The following LRFN5 variants were observed in gnomAD, a reference collection of about 807,000 sequenced individuals.
The protein encoded by LRFN5 is leucine-rich repeat and fibronectin type-III domain-containing protein 5.
Under a neutral mutation model 45.6 loss-of-function variants are expected in LRFN5, and 24 were observed. The ratio of observed to expected loss-of-function variants is 0.53; its 90% CI spans 0.38 to 0.74. The LOEUF (loss-of-function observed/expected upper bound fraction) is 0.74. Among genes scored for constraint, LRFN5 ranks in the 30% least tolerant of loss-of-function variants. LRFN5 has a pLI of 0.00. For synonymous variants in LRFN5, 340 were observed against 313.8 expected, an observed-to-expected ratio of 1.08 and a Z score of -0.88; for missense variants, 776 against 861.5, an observed-to-expected ratio of 0.90 and a Z score of 1.24.
At chr14:41,883,818 GA>G (rs1434028468) in intron 2 of LRFN5, among the ~76,000 whole-genome samples, 2 of 151,994 alleles carry the variant, frequency 1.3e-5, no homozygotes, top group Non-Finnish European at 2.9e-5. Flanking sequence ...TGGATTTATA[GA>G]TTTTTTTTAA....
At chr14:41,663,556 G>C (rs1880755968) in intron 1 of LRFN5, among the ~76,000 whole-genome samples, 1 of 151,910 alleles carries the variant, frequency 6.6e-6, no homozygotes, top group Non-Finnish European at 1.5e-5. Flanking sequence ...AAAAAAATAA[G>C]AATAAGGGAG....
chr14:41,755,228 G>A (rs146197473), intron 1 of LRFN5, among the ~76,000 whole-genome samples: 1,611 of 152,252 alleles, frequency 0.011, 10 homozygotes, highest in Admixed American at 0.016. Context: ...GTGCTGAGAA[G>A]AATGTATATT....
At chr14:41,670,190 A>G (rs1356026689) in intron 1 of LRFN5, among the ~76,000 whole-genome samples, 1 of 125,066 alleles carries the variant, frequency 8.0e-6, no homozygotes, top group East Asian at 2.8e-4. Flanking sequence ...TTCTCTATAT[A>G]TATATACATT....
At chr14:41,753,127 T>G (rs192384799) in intron 1 of LRFN5, among the ~76,000 whole-genome samples, 3,485 of 151,958 alleles carry the variant, frequency 0.023, 40 homozygotes, top group Middle Eastern at 0.037. Context: ...TGGTCTATAT[T>G]TCTGTTTTGG....
chr14:41,625,084 A>T (rs1888280022), intron 1 of LRFN5, among the ~76,000 whole-genome samples: 1 of 152,088 alleles, frequency 6.6e-6, no homozygotes, highest in African/African-American at 2.4e-5. Context: ...TATCTTCATC[A>T]TGATTAATGG....
intron 2 of LRFN5, among the ~76,000 whole-genome samples, chr14:41,857,507 G>C (rs1158090355): frequency 6.6e-6 from 1 of 152,130 alleles, no homozygotes; most frequent in Admixed American, 6.5e-5. Flanking sequence ...AAGTAAGCAA[G>C]GTTATTTACA....
At chr14:41,864,778 C>T (rs985390105) in intron 2 of LRFN5, among the ~76,000 whole-genome samples, 1 of 151,868 alleles carries the variant, frequency 6.6e-6, no homozygotes, top group Non-Finnish European at 1.5e-5. Flanking sequence ...TTTCTCTGAC[C>T]TATTATACTT....
At chr14:41,818,431 C>T (rs1424087945) in intron 2 of LRFN5, among the ~76,000 whole-genome samples, 6 of 151,904 alleles carry the variant, frequency 3.9e-5, no homozygotes, top group African/African-American at 1.4e-4. Flanking sequence ...ATTAACCAAA[C>T]TTTATTTATG....
intron 1 of LRFN5, among the ~76,000 whole-genome samples, chr14:41,738,730 C>T (rs901399553): frequency 6.6e-6 from 1 of 152,108 alleles, no homozygotes; most frequent in African/African-American, 2.4e-5. Context: ...ATTATGGAAT[C>T]TCTGATAGCT....
chr14:41,901,433 TGTGTG>T (rs1233644159), intron 5 of LRFN5, among the ~76,000 whole-genome samples: 1 of 456 alleles, frequency 2.2e-3, no homozygotes, highest in Non-Finnish European at 8.6e-3. Context: ...ATGTATGCAT[TGTGTG>T]TGTGTGTGTG....
chr14:41,891,987 A>C, intron 4 of LRFN5, 25 bp downstream of exon 4: 1 of 1,602,758 alleles, frequency 6.2e-7, no homozygotes, highest in Non-Finnish European at 8.5e-7. Context: ...TTGCCTGCTG[A>C]GAGATCCGGA....
chr14:41,802,430 A>G (rs764878038), intron 2 of LRFN5, among the ~76,000 whole-genome samples: 1 of 152,188 alleles, frequency 6.6e-6, no homozygotes, highest in African/African-American at 2.4e-5. Context: ...AAGGAATTCC[A>G]TCAGGTATGA....
intron 1 of LRFN5, among the ~76,000 whole-genome samples, chr14:41,751,029 G>A (rs1180870105): frequency 6.6e-6 from 1 of 151,886 alleles, no homozygotes; most frequent in Non-Finnish European, 1.5e-5. Flanking sequence ...GTGTCCATGT[G>A]TTCTCATTGT....
chr14:41,842,643 A>G (rs1408208792), intron 2 of LRFN5, among the ~76,000 whole-genome samples: 2 of 152,164 alleles, frequency 1.3e-5, no homozygotes, highest in Non-Finnish European at 2.9e-5. Flanking sequence ...TTCCCACACA[A>G]CACAAAACTT....
intron 5 of LRFN5, among the ~76,000 whole-genome samples, chr14:41,903,317 TTTCATGA>T (rs776869144): frequency 1.5e-4 from 23 of 151,418 alleles, no homozygotes; most frequent in Non-Finnish European, 2.8e-4. Context: ...TGAATCTCTA[TTTCATGA>T]TTCATTCATG....
intron 1 of LRFN5, among the ~76,000 whole-genome samples, chr14:41,664,012 C>T (rs1411018093): frequency 6.6e-6 from 1 of 151,900 alleles, no homozygotes; most frequent in Non-Finnish European, 1.5e-5. Context: ...TTGTCCTCAT[C>T]CCCCATTTCC....
Position 41,767,007 on chromosome 14 carries a change from GAGGAACTCTTC to G in LRFN5, c.-39_-29del, listed in dbSNP as rs2138882514. 6.5e-6 allele frequency: 1 copy of G among 152,702 alleles called. No homozygotes were observed. Among genetic ancestry groups the G allele is most frequent in the South Asian group, 2.1e-4 (1 of 4,822 alleles). The allele number at this position is 152,702 out of a possible 1,614,324, so 9.5% of individuals were successfully genotyped here. A position where few individuals can be genotyped will look rare whatever the true frequency, so the allele number is the denominator to read the frequency against. ...AGAGTGCCGACTCCTTCACAGCCGT[GAGGAACTCTTC>G]AGGCTCCAGAAGTAAGTTGATTGCA... On this transcript the variant is annotated 5_prime_UTR_variant, in exon 2 of 6. It removes the in-frame stop codon of an upstream open reading frame in the 5' UTR. Coordinates refer to ENST00000298119, the MANE Select transcript of LRFN5 (RefSeq NM_152447.5).
chr14:41,698,256 A>T (rs528365534), intron 1 of LRFN5, among the ~76,000 whole-genome samples: 52 of 152,160 alleles, frequency 3.4e-4, no homozygotes, highest in Admixed American at 2.1e-3. Context: ...ATCAAATATG[A>T]TAAAGCCTTC....
chr14:41,759,539 G>A (rs1004373782), intron 1 of LRFN5, among the ~76,000 whole-genome samples: 1 of 148,278 alleles, frequency 6.7e-6, no homozygotes, highest in African/African-American at 2.5e-5. Context: ...TTATTTTATT[G>A]GCTAATAAAG....
Sources: gnomAD v4.1 joint callset for allele counts (sites outside exome capture counted in the v4.1 genomes callset) on GRCh38, gnomAD v4.1.1 for gene constraint, MANE v1.5 for transcripts, NCBI Gene and HGNC (gene_info 2026-07-23, HGNC 2026-07-21) for gene names.